Variants in CDH4 observed in about 807,000 individuals in gnomAD.
The protein encoded by CDH4 is cadherin 4.
CDH4 carries 33 observed loss-of-function variants against 86.0 expected under a neutral mutation model. That is an observed-to-expected ratio of 0.38 (90% confidence interval 0.29 to 0.51). The LOEUF (loss-of-function observed/expected upper bound fraction) is 0.51, where lower values mean the gene tolerates loss of function less well. CDH4 is among the 20% of genes least tolerant of loss of function. The pLI is 0.86. For missense variants in CDH4, 1,114 were observed against 1,307.4 expected (o/e 0.85, Z 2.28); for synonymous variants, 555 against 549.4 (o/e 1.01, Z -0.14).
At chr20:61,546,734 A>G (rs1371080345) in intron 2 of CDH4, among the ~76,000 whole-genome samples, 3 of 152,104 alleles carry the variant, frequency 2.0e-5, no homozygotes, top group African/African-American at 7.2e-5. Context: ...AACACAGAAG[A>G]GAAATTCACC....
At chr20:61,693,466 C>T (rs1330545912) in intron 2 of CDH4, among the ~76,000 whole-genome samples, 1 of 152,206 alleles carries the variant, frequency 6.6e-6, no homozygotes, top group Non-Finnish European at 1.5e-5. Flanking sequence ...GAGCAGATGA[C>T]CACGTGTGGG....
intron 2 of CDH4, among the ~76,000 whole-genome samples, chr20:61,457,803 G>T (rs932256097): frequency 6.6e-6 from 1 of 151,716 alleles, no homozygotes; most frequent in African/African-American, 2.4e-5. Flanking sequence ...GCTGATGCTG[G>T]TGGTGGCGGT....
rs1568874444 is a variant in CDH4, at chr20:61,518,925, C to T, written c.170-224638C>T. On this transcript the variant is annotated intron_variant, in intron 2 of 15. Coordinates refer to ENST00000614565, the MANE Select transcript of CDH4 (RefSeq NM_001794.5). The surrounding 1 kb of genome is among the most constrained non-coding windows in gnomAD (Gnocchi z 6.3). ...ATCCATCATTCATTCATCTACCCACCTCATTCATCCATCATTCATTCATCT... is the reference window on the plus strand; with the variant it reads ...ATCCATCATTCATTCATCTACCCACTTCATTCATCCATCATTCATTCATCT... Among the ~76,000 whole-genome samples the T allele has an allele frequency of 6.6e-6, 1 of 151,904 alleles. No individual in the cohort carries two copies. Among genetic ancestry groups the T allele is most frequent in the African/African-American group, 2.4e-5 (1 of 41,306 alleles).
intron 2 of CDH4, among the ~76,000 whole-genome samples, chr20:61,546,637 G>C (rs1001860889): frequency 6.6e-6 from 1 of 151,880 alleles, no homozygotes; most frequent in African/African-American, 2.4e-5. Context: ...GATATGAAAT[G>C]AGAGAACAGG....
chr20:61,910,412 C>T lies in CDH4; in HGVS notation c.1189-10C>T, dbSNP rs770751711. 5 of 1,609,856 alleles carry T rather than the reference C, an allele frequency of 3.1e-6. No individual in the cohort carries two copies. Among genetic ancestry groups the T allele is most frequent in the African/African-American group, 2.7e-5 (2 of 74,902 alleles). Reference sequence around the variant, plus strand: ...ACGGGTTTGTGACATTCTTTCCTTCCATTTTGCAGTTTGCAGGGGAGGTCC... The same window carrying T: ...ACGGGTTTGTGACATTCTTTCCTTCTATTTTGCAGTTTGCAGGGGAGGTCC... On this transcript the variant is annotated splice_polypyrimidine_tract_variant and intron_variant, in intron 8 of 15. Transcript: ENST00000614565.
chr20:61,628,324 C>T (rs555651067), intron 2 of CDH4, among the ~76,000 whole-genome samples: 3 of 152,184 alleles, frequency 2.0e-5, no homozygotes, highest in Non-Finnish European at 2.9e-5. Flanking sequence ...CACATGGAAC[C>T]GGGCACCCCC....
chr20:61,741,253 G>A (rs1241958200), intron 2 of CDH4, among the ~76,000 whole-genome samples: 5 of 152,108 alleles, frequency 3.3e-5, no homozygotes, highest in Non-Finnish European at 7.4e-5. Flanking sequence ...AGTGTGCAGG[G>A]GCCCTGGTGC....
chr20:61,690,507 C>T (rs2087641574), intron 2 of CDH4, among the ~76,000 whole-genome samples: 1 of 152,040 alleles, frequency 6.6e-6, no homozygotes, highest in East Asian at 1.9e-4. Flanking sequence ...GGAGTGTGGA[C>T]CCAATCGGCT....
chr20:61,722,603 C>T (rs6061766), intron 2 of CDH4, among the ~76,000 whole-genome samples: 59,282 of 151,680 alleles, frequency 0.39, 16,299 homozygotes, highest in African/African-American at 0.75. Flanking sequence ...TCCACTCTGT[C>T]CCAAGGACTC....
chr20:61,271,182 A>C (rs917140395), intron 2 of CDH4, among the ~76,000 whole-genome samples: 3 of 152,094 alleles, frequency 2.0e-5, no homozygotes, highest in African/African-American at 7.2e-5. Flanking sequence ...GGGGGCTGGG[A>C]GAATAAGGAC....
intron 2 of CDH4, among the ~76,000 whole-genome samples, chr20:61,468,035 A>C (rs1050377798): frequency 6.6e-6 from 1 of 152,244 alleles, no homozygotes; most frequent in African/African-American, 2.4e-5. Flanking sequence ...CTCCCAGCAC[A>C]GGGTGTGGCA....
intron 2 of CDH4, among the ~76,000 whole-genome samples, chr20:61,383,177 T>TTATAAATATATTTATA (rs1555844079): frequency 9.8e-6 from 1 of 102,382 alleles, no homozygotes; most frequent in Admixed American, 1.1e-4. Flanking sequence ...ATGAATATAT[T>TTATAAATATATTTATA]TATGAATATA....
chr20:61,516,402 A>C lies in CDH4; in HGVS notation c.170-227161A>C, dbSNP rs1190750145. Among the ~76,000 whole-genome samples, 1 of 152,128 alleles carries C rather than the reference A, an allele frequency of 6.6e-6. No individual in the cohort carries two copies. The highest frequency in any genetic ancestry group is 2.4e-5 in the African/African-American group (1 of 41,428). ...CCCCCGTCGGACGCTGCATGAGCTC[A>C]TGTGCATCACCTCCGACTCCTCATC... On this transcript the variant is annotated intron_variant, in intron 2 of 15. Transcript: ENST00000614565. This position sits in a 1 kb window ranked among gnomAD's most constrained non-coding sequence, Gnocchi z 4.0.
intron 2 of CDH4, among the ~76,000 whole-genome samples, chr20:61,402,546 C>T (rs1331348463): frequency 6.6e-6 from 1 of 152,112 alleles, no homozygotes; most frequent in East Asian, 1.9e-4. Flanking sequence ...TGCACACCAC[C>T]ATGCCCTGCT....
At chr20:61,820,321 C>T (rs951680715) in intron 4 of CDH4, among the ~76,000 whole-genome samples, 2 of 152,254 alleles carry the variant, frequency 1.3e-5, no homozygotes, top group Non-Finnish European at 2.9e-5. Flanking sequence ...TGCCCTGTGT[C>T]CGTGGGGGAC....
chr20:61,637,892 G>A (rs2086963956), intron 2 of CDH4, among the ~76,000 whole-genome samples: 1 of 152,058 alleles, frequency 6.6e-6, no homozygotes, highest in Admixed American at 6.5e-5. Flanking sequence ...ATGGTGGTGG[G>A]TGCCTGAAAG....
chr20:61,925,207 G>C (rs931825765), intron 11 of CDH4, among the ~76,000 whole-genome samples: 1 of 152,190 alleles, frequency 6.6e-6, no homozygotes, highest in East Asian at 1.9e-4. Context: ...CTTTCTGAGG[G>C]ACATGGGCCA....
intron 2 of CDH4, among the ~76,000 whole-genome samples, chr20:61,346,057 C>G (rs893834342): frequency 6.6e-6 from 1 of 152,182 alleles, no homozygotes; most frequent in Non-Finnish European, 1.5e-5. Flanking sequence ...TAAATGCTCA[C>G]GCGGGACAAA....
At chr20:61,421,177 T>G (rs1371499547) in intron 2 of CDH4, among the ~76,000 whole-genome samples, 1 of 152,182 alleles carries the variant, frequency 6.6e-6, no homozygotes, top group Non-Finnish European at 1.5e-5. Context: ...GGTAGGCTCC[T>G]GGGGCCGATG....
Sources: allele counts gnomAD v4.1 joint callset (sites outside exome capture counted in the v4.1 genomes callset), GRCh38; gene constraint gnomAD v4.1.1; non-coding constraint Gnocchi (gnomAD v3.1); transcripts MANE v1.5; gene names NCBI Gene and HGNC (gene_info 2026-07-23, HGNC 2026-07-21).